Variants in EZH1 observed in about 807,000 individuals in gnomAD.
EZH1 encodes the protein histone-lysine N-methyltransferase EZH1.
Under a neutral mutation model 100.5 loss-of-function variants are expected in EZH1, and 33 were observed. That is an observed-to-expected ratio of 0.33 (90% confidence interval 0.25 to 0.44). The LOEUF (loss-of-function observed/expected upper bound fraction) is 0.44. EZH1 is among the 20% of genes least tolerant of loss of function. The probability of loss-of-function intolerance (pLI) is 1.00; values close to 1 mark genes in which losing one functional copy is unlikely to be tolerated. For synonymous variants in EZH1, 272 were observed against 313.8 expected (o/e 0.87, Z 1.41); for missense variants, 475 against 928.4 (o/e 0.51, Z 6.35).
intron 17 of EZH1, 120 bp downstream of exon 17, chr17:42,704,968 C>T: frequency 1.2e-6 from 1 of 861,072 alleles, no homozygotes; most frequent in Non-Finnish European, 1.8e-6. Flanking sequence ...CCCAAGAGGC[C>T]ACGTGAGAAC....
intron 1 of EZH1, among the ~76,000 whole-genome samples, chr17:42,739,052 G>A (rs2054126114): frequency 6.6e-6 from 1 of 152,058 alleles, no homozygotes; most frequent in African/African-American, 2.4e-5. Flanking sequence ...TACCACGCCT[G>A]GCCCCTGGCC....
intron 1 of EZH1, among the ~76,000 whole-genome samples, chr17:42,739,635 G>A (rs573702981): frequency 6.6e-6 from 1 of 152,092 alleles, no homozygotes; most frequent in South Asian, 2.1e-4. Context: ...GCTGAAGCAG[G>A]AGAATCGCTT....
intron 1 of EZH1, among the ~76,000 whole-genome samples, chr17:42,736,663 C>T (rs1052587320): frequency 1.3e-5 from 2 of 152,058 alleles, no homozygotes; most frequent in African/African-American, 4.8e-5. Flanking sequence ...GGTGAAACCT[C>T]ATCTCTACAA....
In EZH1 at chr17:42,708,102, G is replaced by A; in HGVS notation, c.1535-19C>T. The A allele has an allele frequency of 6.3e-7, 1 of 1,587,560 alleles. No homozygotes were observed. Among genetic ancestry groups the A allele is most frequent in the South Asian group, 1.1e-5 (1 of 87,614 alleles). On this transcript the variant is annotated intron_variant, in intron 14 of 20. Coordinates refer to ENST00000428826, the MANE Select transcript of EZH1 (RefSeq NM_001991.5). ...GAGTTATCTAGGAAAGAAAACAGAG[G>A]AGGATGCTGCTGTGACCATACTCTC...
At chr17:42,705,245 G>C in intron 16 of EZH1, 62 bp from the exon 17 acceptor site, 1 of 869,548 alleles carries the variant, frequency 1.2e-6, no homozygotes, top group Non-Finnish European at 1.9e-6. Flanking sequence ...GTGTGTGCTG[G>C]ATGTGCACAT....
At chr17:42,728,256 G>A (rs910803409) in intron 3 of EZH1, among the ~76,000 whole-genome samples, 1 of 151,016 alleles carries the variant, frequency 6.6e-6, no homozygotes, top group Non-Finnish European at 1.5e-5. Flanking sequence ...CGGGATTACA[G>A]GCATATGACA....
At chr17:42,734,331 C>T (rs930164355) in intron 1 of EZH1, among the ~76,000 whole-genome samples, 11 of 152,066 alleles carry the variant, frequency 7.2e-5, no homozygotes, top group Non-Finnish European at 1.3e-4. Flanking sequence ...TGAGCCACCG[C>T]GCCTGGCCAA....
chr17:42,719,004 C>G, intron 8 of EZH1, 101 bp downstream of exon 8: 1 of 844,500 alleles, frequency 1.2e-6, no homozygotes, highest in Non-Finnish European at 2.0e-6. Flanking sequence ...ATCATAATGC[C>G]CTTACCATAA....
intron 1 of EZH1, among the ~76,000 whole-genome samples, chr17:42,737,471 C>T (rs370655542): frequency 4.6e-5 from 7 of 152,138 alleles, no homozygotes; most frequent in Admixed American, 2.6e-4. Context: ...GGCATGGTGG[C>T]GTGTGCTTCT....
chr17:42,737,143 G>A (rs528046293), intron 1 of EZH1, among the ~76,000 whole-genome samples: 1 of 152,164 alleles, frequency 6.6e-6, no homozygotes, highest in Non-Finnish European at 1.5e-5. Context: ...ATGCCACCGC[G>A]CCGAGCTAAT....
At chr17:42,734,666 CAA>C (rs61706510) in intron 1 of EZH1, among the ~76,000 whole-genome samples, 4,863 of 70,020 alleles carry the variant, frequency 0.069, 262 homozygotes, top group South Asian at 0.18. Context: ...GAGGCCTTGT[CAA>C]AAAAAAAAAA....
intron 1 of EZH1, among the ~76,000 whole-genome samples, chr17:42,735,481 A>C (rs973859656): frequency 6.6e-6 from 1 of 152,172 alleles, no homozygotes; most frequent in Non-Finnish European, 1.5e-5. Context: ...AAAATACTTT[A>C]TATTTCTACC....
At position 42,717,967 on chromosome 17, in the gene EZH1, A is replaced by G. The variant is rs778816333; in HGVS notation, c.1023+9T>C. On this transcript the variant is annotated intron_variant, in intron 10 of 20. Transcript: ENST00000428826. Reference sequence around the variant, plus strand: ...AAGTTAATAATGCCAGAACAGCTTAAGAACATACCAGCAAAAGGAAGCAGT... The same window carrying G: ...AAGTTAATAATGCCAGAACAGCTTAGGAACATACCAGCAAAAGGAAGCAGT... 1 of 1,613,610 alleles carries G rather than the reference A, an allele frequency of 6.2e-7. No individual in the cohort carries two copies. Among genetic ancestry groups the G allele is most frequent in the Non-Finnish European group, 8.5e-7 (1 of 1,179,480 alleles).
rs374907861 is a variant in EZH1, at chr17:42,727,776, T to C, written c.118-13A>G. Reference sequence around the variant, plus strand: ...CCACATACAAAGCCTAGCAAAGCCATGGAAAAGATTAAGATATATTGTTAT... The same window carrying C: ...CCACATACAAAGCCTAGCAAAGCCACGGAAAAGATTAAGATATATTGTTAT... On this transcript the variant is annotated splice_polypyrimidine_tract_variant and intron_variant, in intron 3 of 20. Coordinates refer to ENST00000428826, the MANE Select transcript of EZH1 (RefSeq NM_001991.5). The C allele has an allele frequency of 3.2e-6, 5 of 1,578,934 alleles. No individual in the cohort carries two copies. The African/African-American group carries it at 5.5e-5, about 17-fold the overall frequency.
At chr17:42,733,521 G>A (rs1301448305) in intron 1 of EZH1, among the ~76,000 whole-genome samples, 1 of 145,000 alleles carries the variant, frequency 6.9e-6, no homozygotes, top group Non-Finnish European at 1.5e-5. Context: ...GGCGCCTGTG[G>A]TCTCAGCTAC....
intron 1 of EZH1, among the ~76,000 whole-genome samples, chr17:42,739,103 T>C (rs1471607971): frequency 6.6e-6 from 1 of 152,144 alleles, no homozygotes; most frequent in Non-Finnish European, 1.5e-5. Flanking sequence ...TTTTGATTCA[T>C]AGTGTAATTG....
chr17:42,724,191 C>A, intron 5 of EZH1, 114 bp downstream of exon 5: 1 of 1,229,872 alleles, frequency 8.1e-7, no homozygotes, highest in Non-Finnish European at 1.2e-6. Context: ...TTCTGCCCTG[C>A]ATGTCCTAGC....
intron 5 of EZH1, 142 bp from the exon 6 acceptor site, chr17:42,723,057 C>A: frequency 1.5e-6 from 2 of 1,291,252 alleles, no homozygotes; most frequent in Non-Finnish European, 1.0e-6. Flanking sequence ...GCATTTTAAA[C>A]ACTGGCCATT....
Position 42,713,342 on chromosome 17 carries a change from G to A in EZH1, c.1071C>T (p.Cys357=). 1.2e-6 allele frequency: 2 copies of A among 1,611,758 alleles called. No homozygotes were observed. Among genetic ancestry groups the A allele is most frequent in the Admixed American group, 1.7e-5 (1 of 59,976 alleles). ...GGTGCCTTCTCCGGCGACGACCAGA[G>A]CACTTGGAGCGGGGGTTGTGGAGCA... ...YAMLHNPRSK[C]SGRRRRRHHI... is the part of the protein sequence containing the mutation. The change falls in exon 11 of 21, where the codon TGC becomes TGT. Residue 357 remains cysteine (C), a synonymous_variant. Coordinates refer to ENST00000428826, the MANE Select transcript of EZH1 (RefSeq NM_001991.5).
Sources: gnomAD v4.1 joint callset for allele counts (sites outside exome capture counted in the v4.1 genomes callset) on GRCh38, gnomAD v4.1.1 for gene constraint, MANE v1.5 for transcripts, NCBI Gene and HGNC (gene_info 2026-07-23, HGNC 2026-07-21) for gene names.